The following PDE10A variants were observed in gnomAD, a reference collection of about 807,000 sequenced individuals.
PDE10A encodes phosphodiesterase 10A.
Under a neutral mutation model 97.7 loss-of-function variants are expected in PDE10A, and 39 were observed. That is an observed-to-expected ratio of 0.40 (90% CI 0.31 to 0.52). The LOEUF (loss-of-function observed/expected upper bound fraction) is 0.52, where lower values mean the gene tolerates loss of function less well. Ranked by LOEUF, PDE10A falls within the 20% of genes least tolerant of loss-of-function variation. The probability of loss-of-function intolerance (pLI) is 0.56; values close to 1 mark genes in which losing one functional copy is unlikely to be tolerated. For synonymous variants in PDE10A, 371 were observed against 376.8 expected, an observed-to-expected ratio of 0.98 and a Z score of 0.18; for missense variants, 731 against 1,047.8, an observed-to-expected ratio of 0.70 and a Z score of 4.17.
intron 18 of PDE10A, among the ~76,000 whole-genome samples, chr6:165,358,610 C>T (rs1410083158): frequency 6.6e-6 from 1 of 151,448 alleles, no homozygotes; most frequent in Non-Finnish European, 1.5e-5. Flanking sequence ...ACATGGAACT[C>T]GGTCTTGCTA....
chr6:165,588,295 T>C (rs1044627680), intron 1 of PDE10A, among the ~76,000 whole-genome samples: 3 of 147,148 alleles, frequency 2.0e-5, no homozygotes, highest in Non-Finnish European at 4.5e-5. Flanking sequence ...TTTTTTTTTT[T>C]TTTTTTTTTT....
chr6:165,790,286 A>G (rs923562045), intron 1 of PDE10A, among the ~76,000 whole-genome samples: 1 of 152,184 alleles, frequency 6.6e-6, no homozygotes, highest in African/African-American at 2.4e-5. Context: ...CTCTAGTTTC[A>G]TGCTCAGTAA....
Position 165,789,072 on chromosome 6 carries a change from G to C in PDE10A, c.-615+198457C>G, listed in dbSNP as rs373779936. Among the ~76,000 whole-genome samples, 40 of 152,322 alleles carry C rather than the reference G, an allele frequency of 2.6e-4. 1 individual carries two copies. The South Asian group carries it at 7.9e-3, about 30-fold the overall frequency. On this transcript the variant is annotated intron_variant, in intron 1 of 19. Transcript: ENST00000366882. ...GGCAGAGCATCCTCTGTGGGGGCTGGAGGTGAAGATGGCCATGTGGAAATG... is the reference window on the plus strand; with the variant it reads ...GGCAGAGCATCCTCTGTGGGGGCTGCAGGTGAAGATGGCCATGTGGAAATG...
At chr6:165,839,925 A>ATCTGCATCTCTG (rs1283497554) in intron 1 of PDE10A, among the ~76,000 whole-genome samples, 10,833 of 147,490 alleles carry the variant, frequency 0.073, no homozygotes, top group Middle Eastern at 0.098. Flanking sequence ...CCCCAACCTC[A>ATCTGCATCTCTG]TCTCCATTCT....
intron 1 of PDE10A, among the ~76,000 whole-genome samples, chr6:165,736,562 A>G (rs1257694233): frequency 6.6e-6 from 1 of 152,182 alleles, no homozygotes; most frequent in African/African-American, 2.4e-5. Context: ...CTCTTTGACC[A>G]ATGGATCAAA....
intron 1 of PDE10A, among the ~76,000 whole-genome samples, chr6:165,805,011 A>T (rs558332465): frequency 8.5e-6 from 1 of 117,532 alleles, no homozygotes; most frequent in South Asian, 2.9e-4. Context: ...GGGCGCACGG[A>T]GGGGCATCTG....
intron 1 of PDE10A, among the ~76,000 whole-genome samples, chr6:165,942,757 G>C (rs1009722024): frequency 6.6e-6 from 1 of 152,146 alleles, no homozygotes; most frequent in Non-Finnish European, 1.5e-5. Context: ...ACAGTGTGCT[G>C]GTAGGTATTT....
rs1398366314 is a variant in PDE10A, at chr6:165,388,388, G to A, written c.2520C>T (p.Tyr840=). The A allele has an allele frequency of 6.2e-7, 1 of 1,614,098 alleles. No individual in the cohort carries two copies. Among genetic ancestry groups the A allele is most frequent in the South Asian group, 1.1e-5 (1 of 91,078 alleles). ...CCAGAGGGTGGTCGAACTTCTGCAG[G>A]TAGCTGTTACTGAAGCCCCTGTGGT... is the stretch of plus-strand genomic sequence containing the variant. ...DLDHRGFSNS[Y]LQKFDHPLAA... is the part of the protein sequence containing the mutation. The change falls in exon 17 of 22, where the codon TAC becomes TAT. Residue 840 remains tyrosine (Y), a synonymous_variant. Coordinates refer to ENST00000539869, the MANE Select transcript of PDE10A (RefSeq NM_001385079.1). This position sits in a 1 kb window ranked among gnomAD's most constrained non-coding sequence, Gnocchi z 4.0.
intron 16 of PDE10A, 150 bp downstream of exon 16, chr6:165,392,496 A>G: frequency 1.6e-6 from 1 of 614,432 alleles, no homozygotes; most frequent in South Asian, 2.4e-5. Flanking sequence ...GTTTGGGTAC[A>G]AGAGTCTAAA....
chr6:165,375,889 T>C (rs1784576701), intron 18 of PDE10A, among the ~76,000 whole-genome samples: 1 of 150,806 alleles, frequency 6.6e-6, no homozygotes, highest in Admixed American at 6.6e-5. Context: ...CATGATATAC[T>C]GAACATTCTA....
At chr6:165,908,447 A>AT (rs1204474311) in intron 1 of PDE10A, among the ~76,000 whole-genome samples, 1 of 152,206 alleles carries the variant, frequency 6.6e-6, no homozygotes, top group Non-Finnish European at 1.5e-5. Flanking sequence ...AGAGTACTCA[A>AT]TTTTGCTGGG....
intron 2 of PDE10A, among the ~76,000 whole-genome samples, chr6:165,491,332 G>C (rs942279671): frequency 1.3e-5 from 2 of 152,040 alleles, no homozygotes; most frequent in Non-Finnish European, 2.9e-5. Flanking sequence ...CACTAAACAG[G>C]TCATCAAGAC....
chr6:165,646,127 G>A (rs1789385839), intron 1 of PDE10A, among the ~76,000 whole-genome samples: 1 of 152,162 alleles, frequency 6.6e-6, no homozygotes, highest in African/African-American at 2.4e-5. Context: ...AGGAACGCGA[G>A]GGCAAAGGCC....
chr6:165,443,007 G>C (rs1790582610), intron 5 of PDE10A, among the ~76,000 whole-genome samples: 1 of 150,760 alleles, frequency 6.6e-6, no homozygotes, highest in African/African-American at 2.4e-5. Flanking sequence ...AGCTACTCAG[G>C]AGGTTGAGAC....
chr6:165,882,512 A>G (rs530882009), intron 1 of PDE10A, among the ~76,000 whole-genome samples: 90 of 152,218 alleles, frequency 5.9e-4, no homozygotes, highest in Non-Finnish European at 1.1e-3. Flanking sequence ...CTTAAAAAGG[A>G]TAACAAGACC....
chr6:165,891,369 T>TA (rs1262140816), intron 1 of PDE10A, among the ~76,000 whole-genome samples: 1 of 152,188 alleles, frequency 6.6e-6, no homozygotes, highest in Non-Finnish European at 1.5e-5. Context: ...TCAGCCCTGT[T>TA]ACCATTTCCC....
intron 3 of PDE10A, among the ~76,000 whole-genome samples, chr6:165,473,403 A>G (rs1779122903): frequency 6.6e-6 from 1 of 152,214 alleles, no homozygotes; most frequent in Non-Finnish European, 1.5e-5. Flanking sequence ...GCTGATAGGA[A>G]CAGGATCCAA....
intron 1 of PDE10A, among the ~76,000 whole-genome samples, chr6:165,643,090 T>C (rs1789217659): frequency 6.6e-6 from 1 of 152,208 alleles, no homozygotes; most frequent in South Asian, 2.1e-4. Context: ...TTTTATAATT[T>C]AAATACATCA....
At chr6:165,592,557 C>T (rs1228170286) in intron 1 of PDE10A, among the ~76,000 whole-genome samples, 1 of 152,068 alleles carries the variant, frequency 6.6e-6, no homozygotes, top group Non-Finnish European at 1.5e-5. Context: ...GTCCATCTGA[C>T]AAAGGGCTAA....
Sources: gnomAD v4.1 joint callset for allele counts (sites outside exome capture counted in the v4.1 genomes callset) on GRCh38, gnomAD v4.1.1 for gene constraint, Gnocchi (gnomAD v3.1) non-coding constraint, MANE v1.5 for transcripts, NCBI Gene and HGNC (gene_info 2026-07-23, HGNC 2026-07-21) for gene names.